The following VDAC1 variants were observed in gnomAD, a reference collection of about 807,000 sequenced individuals.
VDAC1 encodes the protein voltage dependent anion channel 1, also known as non-selective voltage-gated ion channel VDAC1.
VDAC1 carries 10 observed loss-of-function variants against 34.7 expected under a neutral mutation model. The observed-to-expected ratio is 0.29, with a 90% CI of 0.18 to 0.49. The LOEUF (loss-of-function observed/expected upper bound fraction) is 0.49, where lower values mean the gene tolerates loss of function less well. Among genes scored for constraint, VDAC1 ranks in the 20% least tolerant of loss-of-function variants. The probability of loss-of-function intolerance (pLI) is 0.99; values close to 1 mark genes in which losing one functional copy is unlikely to be tolerated. For missense variants in VDAC1, 230 were observed against 347.9 expected (o/e 0.66, Z 2.69); for synonymous variants, 130 against 136.0 (o/e 0.96, Z 0.30).
chr5:134,076,589 T>A, the VDAC1 span, among the ~76,000 whole-genome samples: 1 of 152,164 alleles, frequency 6.6e-6, no homozygotes, highest in African/African-American at 2.4e-5. Flanking sequence ...CAGGAAGATC[T>A]GTGGTGTGTG....
intron 5 of VDAC1, among the ~76,000 whole-genome samples, chr5:133,983,246 C>CT (rs1752768913): frequency 6.9e-6 from 1 of 144,862 alleles, no homozygotes. Context: ...GAAACTCCAT[C>CT]TTTAAAAAAA....
At chr5:133,997,370 A>C (rs1753353881) in intron 1 of VDAC1, among the ~76,000 whole-genome samples, 1 of 152,128 alleles carries the variant, frequency 6.6e-6, no homozygotes, top group Non-Finnish European at 1.5e-5. Flanking sequence ...ATAAAAATTA[A>C]GGTACTATAC....
At chr5:134,096,757 C>T in the VDAC1 span, among the ~76,000 whole-genome samples, 1 of 152,154 alleles carries the variant, frequency 6.6e-6, no homozygotes, top group Non-Finnish European at 1.5e-5. Context: ...CCACACCTGG[C>T]TAATTTTTGT....
the VDAC1 span, among the ~76,000 whole-genome samples, chr5:134,016,224 A>G: frequency 6.6e-6 from 1 of 152,004 alleles, no homozygotes; most frequent in African/African-American, 2.4e-5. Context: ...TCTCATTATT[A>G]TTGTACAGCA....
chr5:134,072,485 G>A, the VDAC1 span, among the ~76,000 whole-genome samples: 2 of 152,154 alleles, frequency 1.3e-5, no homozygotes, highest in East Asian at 1.9e-4. Flanking sequence ...CAGTTGACGG[G>A]AATCCTCTTT....
chr5:133,983,967 A>C (rs1373111628), intron 5 of VDAC1, among the ~76,000 whole-genome samples: 1 of 152,136 alleles, frequency 6.6e-6, no homozygotes, highest in African/African-American at 2.4e-5. Context: ...CCTTCCCAGA[A>C]GCCGAGCAGA....
the VDAC1 span, among the ~76,000 whole-genome samples, chr5:134,030,288 C>A: frequency 6.6e-6 from 1 of 150,944 alleles, no homozygotes; most frequent in Non-Finnish European, 1.5e-5. Flanking sequence ...CCGCGGTGAG[C>A]AAGATCGTGC....
the VDAC1 span, among the ~76,000 whole-genome samples, chr5:134,111,973 T>C: frequency 2.0e-5 from 3 of 152,180 alleles, no homozygotes; most frequent in East Asian, 5.8e-4. Context: ...AATGAGATAA[T>C]GTGTGTGAAG....
chr5:134,011,078 GTGA>G, the VDAC1 span, among the ~76,000 whole-genome samples: 1 of 151,834 alleles, frequency 6.6e-6, no homozygotes, highest in East Asian at 1.9e-4. Flanking sequence ...ATGATGATTA[GTGA>G]TGATGAACAT....
chr5:134,010,174 G>C, the VDAC1 span, among the ~76,000 whole-genome samples: 442 of 152,282 alleles, frequency 2.9e-3, 3 homozygotes, highest in African/African-American at 0.01. Context: ...CCCACGCTAA[G>C]ACCATCATTG....
the VDAC1 span, among the ~76,000 whole-genome samples, chr5:134,055,964 C>T: frequency 1.9e-4 from 29 of 151,296 alleles, no homozygotes; most frequent in Non-Finnish European, 2.9e-4. Context: ...ATTGGCCAGG[C>T]GCGGTGGCTC....
chr5:134,033,795 A>G, the VDAC1 span, among the ~76,000 whole-genome samples: 1 of 152,032 alleles, frequency 6.6e-6, no homozygotes, highest in Non-Finnish European at 1.5e-5. Context: ...GATCGAGACC[A>G]TCCTGGCTAA....
At chr5:133,980,577 T>C (rs943749552) in intron 6 of VDAC1, 152 bp downstream of exon 6, 3 of 666,942 alleles carry the variant, frequency 4.5e-6, no homozygotes, top group South Asian at 4.0e-5. Context: ...CAGCAGGCCA[T>C]GTGGCTCATC....
chr5:133,996,077 C>T (rs538417163), intron 1 of VDAC1, among the ~76,000 whole-genome samples: 4 of 152,344 alleles, frequency 2.6e-5, no homozygotes, highest in East Asian at 1.9e-4. Context: ...AGTCTGGCAT[C>T]GGCAAAGCAG....
At chr5:133,984,861 G>A (rs760344990) in intron 5 of VDAC1, among the ~76,000 whole-genome samples, 6 of 152,138 alleles carry the variant, frequency 3.9e-5, no homozygotes, top group African/African-American at 1.4e-4. Flanking sequence ...GCTGGAACCC[G>A]GGAGGCAGAG....
the VDAC1 span, among the ~76,000 whole-genome samples, chr5:134,020,797 C>T: frequency 2.0e-5 from 3 of 152,092 alleles, no homozygotes; most frequent in Non-Finnish European, 4.4e-5. Context: ...CTGCCTCAGC[C>T]TCCCAAGTAG....
At chr5:134,064,038 A>G in the VDAC1 span, among the ~76,000 whole-genome samples, 26,466 of 121,586 alleles carry the variant, frequency 0.22, 2,804 homozygotes, top group East Asian at 0.42. Flanking sequence ...GGTTCTCCCT[A>G]TGTTGCCCAG....
At chr5:133,979,626 C>T (rs1752616465) in intron 6 of VDAC1, among the ~76,000 whole-genome samples, 1 of 152,058 alleles carries the variant, frequency 6.6e-6, no homozygotes, top group Admixed American at 6.6e-5. Flanking sequence ...GATGGGGTTT[C>T]ACCTTCTTGA....
the VDAC1 span, among the ~76,000 whole-genome samples, chr5:134,034,582 A>C: frequency 6.6e-6 from 1 of 152,184 alleles, no homozygotes; most frequent in African/African-American, 2.4e-5. Flanking sequence ...CGCAGCAGGA[A>C]ACAAACACGC....
Sources: gnomAD v4.1 joint callset for allele counts (sites outside exome capture counted in the v4.1 genomes callset) on GRCh38, gnomAD v4.1.1 for gene constraint, MANE v1.5 for transcripts, NCBI Gene and HGNC (gene_info 2026-07-23, HGNC 2026-07-21) for gene names.